PTBP2: variants seen among roughly 807,000 people sequenced by gnomAD.
PTBP2 encodes polypyrimidine tract-binding protein 2.
PTBP2 carries 13 observed loss-of-function variants against 61.4 expected under a neutral mutation model. The ratio of observed to expected loss-of-function variants is 0.21; its 90% CI spans 0.14 to 0.34. PTBP2 has a LOEUF of 0.34. Ranked by LOEUF, PTBP2 falls within the 10% of genes least tolerant of loss-of-function variation. The pLI, the probability that PTBP2 is intolerant of heterozygous loss-of-function variation, is 1.00. For synonymous variants in PTBP2, 215 were observed against 218.5 expected (o/e 0.98, Z 0.14); for missense variants, 405 against 642.6 (o/e 0.63, Z 4.00).
chr1:96,799,395 G>A (rs993485839), intron 8 of PTBP2, among the ~76,000 whole-genome samples: 9 of 146,888 alleles, frequency 6.1e-5, no homozygotes, highest in Middle Eastern at 6.5e-3. Flanking sequence ...TCCCGGGTTC[G>A]TGCCATTCTT....
chr1:96,796,524 C>T (rs754661797), intron 8 of PTBP2, among the ~76,000 whole-genome samples: 4 of 152,098 alleles, frequency 2.6e-5, no homozygotes, highest in Non-Finnish European at 5.9e-5. Context: ...AGACATAAGA[C>T]TCTACTAGAT....
chr1:96,731,020 A>G (rs1420686791), intron 2 of PTBP2, among the ~76,000 whole-genome samples: 1 of 152,064 alleles, frequency 6.6e-6, no homozygotes, highest in Non-Finnish European at 1.5e-5. Context: ...TTTTTTTTTA[A>G]TTACATAATA....
intron 9 of PTBP2, 44 bp downstream of exon 9, chr1:96,804,983 A>G (rs1334373518): frequency 1.4e-6 from 2 of 1,427,872 alleles, no homozygotes; most frequent in African/African-American, 2.9e-5. Flanking sequence ...ACTCCATTTC[A>G]TTTGTGAAAG....
rs1302328880 is a variant in PTBP2, at chr1:96,777,950, A to G, written c.708+4A>G. On this transcript the variant is annotated splice_donor_region_variant and intron_variant, in intron 7 of 13. Coordinates refer to ENST00000674951, the MANE Select transcript of PTBP2 (RefSeq NM_021190.4). The stretch of plus-strand genomic sequence containing the variant: ...AAATGCTCAACAAGCAAAACTAGTA[A>G]GTCTTTCTTTTGAGATGGTGATTTT... 1 of 1,505,364 alleles carries G rather than the reference A, an allele frequency of 6.6e-7. No individual in the cohort carries two copies. Among genetic ancestry groups the G allele is most frequent in the Non-Finnish European group, 9.0e-7 (1 of 1,109,746 alleles). The allele number at this position is 1,505,364 out of a possible 1,614,324, so 93.3% of individuals were successfully genotyped here. A position where few individuals can be genotyped will look rare whatever the true frequency, so the allele number is the denominator to read the frequency against.
chr1:96,803,432 TA>T lies in PTBP2; in HGVS notation c.905-1359del, dbSNP rs553304693. Among the ~76,000 whole-genome samples the T allele has an allele frequency of 2.4e-4, 36 of 148,144 alleles. No homozygotes were observed. The East Asian group carries it at 6.7e-3, about 28-fold the overall frequency. Reference sequence around the variant, plus strand: ...GCAAAGTAAGAAAAAAAGGAGAGCCTAAAAAAAAAGGTACAGGCAAAAAGGT... The same window carrying T: ...GCAAAGTAAGAAAAAAAGGAGAGCCTAAAAAAAAGGTACAGGCAAAAAGGT... On this transcript the variant is annotated intron_variant, in intron 8 of 13. Coordinates refer to ENST00000674951, the MANE Select transcript of PTBP2 (RefSeq NM_021190.4).
chr1:96,756,269 C>G (rs1260448263), intron 3 of PTBP2, among the ~76,000 whole-genome samples: 1 of 152,126 alleles, frequency 6.6e-6, no homozygotes, highest in East Asian at 1.9e-4. Context: ...CGTGGTGGTG[C>G]ATGCCTGTAA....
At chr1:96,805,479 A>G (rs1002804826) in intron 9 of PTBP2, among the ~76,000 whole-genome samples, 1 of 152,102 alleles carries the variant, frequency 6.6e-6, no homozygotes, top group Non-Finnish European at 1.5e-5. Context: ...TCTTCTAAAA[A>G]TATTTTTTAA....
At chr1:96,804,998 T>C in intron 9 of PTBP2, 59 bp downstream of exon 9, 1 of 1,389,568 alleles carries the variant, frequency 7.2e-7, no homozygotes. Flanking sequence ...TGAAAGTTTT[T>C]CATGTTTATT....
chr1:96,779,045 A>G (rs1396664751), intron 7 of PTBP2, among the ~76,000 whole-genome samples: 1 of 152,144 alleles, frequency 6.6e-6, no homozygotes, highest in Non-Finnish European at 1.5e-5. Context: ...AATTACTTAC[A>G]GTGAACACCA....
intron 2 of PTBP2, among the ~76,000 whole-genome samples, chr1:96,725,588 TA>T (rs201028366): frequency 0.045 from 6,825 of 151,500 alleles, 480 homozygotes; most frequent in African/African-American, 0.15. Context: ...TAGAAGATGA[TA>T]AAAAAAAATT....
intron 4 of PTBP2, 31 bp from the exon 5 acceptor site, chr1:96,770,677 G>T (rs371102954): frequency 1.3e-6 from 2 of 1,556,842 alleles, no homozygotes; most frequent in Non-Finnish European, 1.8e-6. Context: ...TGAATTTATA[G>T]TATTAAAAAT....
intron 5 of PTBP2, 85 bp downstream of exon 5, chr1:96,770,936 G>C: frequency 8.5e-7 from 1 of 1,175,582 alleles, no homozygotes; most frequent in Non-Finnish European, 1.2e-6. Flanking sequence ...ATGTTTACCT[G>C]TTCAGATGTT....
At chr1:96,810,016 CAA>C (rs1286714582) in intron 11 of PTBP2, among the ~76,000 whole-genome samples, 1 of 151,918 alleles carries the variant, frequency 6.6e-6, no homozygotes, top group African/African-American at 2.4e-5. Context: ...AGTGGTAACA[CAA>C]AAAAATTTTT....
chr1:96,771,359 T>C (rs1241523268), intron 5 of PTBP2: 1 of 152,418 alleles, frequency 6.6e-6, no homozygotes, highest in Non-Finnish European at 1.5e-5. Context: ...TTAGAATGTT[T>C]TCCGACCTAC....
At chr1:96,755,829 A>G (rs1258415522) in intron 3 of PTBP2, among the ~76,000 whole-genome samples, 27 of 152,216 alleles carry the variant, frequency 1.8e-4, no homozygotes, top group Admixed American at 1.8e-3. Flanking sequence ...TAAGAGTGGG[A>G]AAGGACAGGC....
In PTBP2 at chr1:96,777,646, G is replaced by A; in HGVS notation, c.494G>A (p.Gly165Asp). ...AVQTANTPLS[G>D]TTVSESAVTP... ...CAGACAGCAAATACTCCTCTTAGTG[G>A]CACCACAGTTAGCGAGAGTGCAGTG... Residue 165 changes from glycine (G) to aspartate (D), a missense_variant, in exon 6 of 14, where the codon GGC becomes GAC. Around this residue, in one of 4 missense-constraint regions of PTBP2, gnomAD observed 342 missense variants for 491.2 expected, o/e 0.70. Transcript: ENST00000674951. 1.2e-6 allele frequency: 2 copies of A among 1,613,426 alleles called. No homozygotes were observed. The highest frequency in any genetic ancestry group is 1.7e-6 in the Non-Finnish European group (2 of 1,179,574).
At chr1:96,813,186 T>G (rs539761892) in intron 13 of PTBP2, 80 bp downstream of exon 13, 15 of 1,543,358 alleles carry the variant, frequency 9.7e-6, no homozygotes, top group Admixed American at 2.0e-5. Flanking sequence ...TTATAGAAAT[T>G]TTTGATTCCG....
chr1:96,743,024 C>G (rs1435891593), intron 2 of PTBP2, among the ~76,000 whole-genome samples: 1 of 152,098 alleles, frequency 6.6e-6, no homozygotes, highest in Non-Finnish European at 1.5e-5. Context: ...TGGTGGCTCA[C>G]GCCTGTAATC....
intron 5 of PTBP2, among the ~76,000 whole-genome samples, chr1:96,773,049 G>T (rs949596935): frequency 1.3e-5 from 2 of 150,768 alleles, no homozygotes; most frequent in East Asian, 3.9e-4. Context: ...GCTTGAACCC[G>T]GGGGGGTGGA....
Sources: gnomAD v4.1 joint callset for allele counts (sites outside exome capture counted in the v4.1 genomes callset) on GRCh38, gnomAD v4.1.1 for gene constraint, gnomAD v4.1.1 regional missense constraint, MANE v1.5 for transcripts, NCBI Gene and HGNC (gene_info 2026-07-23, HGNC 2026-07-21) for gene names.